Variants in FER observed in about 807,000 individuals in gnomAD.
FER encodes FER tyrosine kinase, also known as tyrosine-protein kinase Fer.
A neutral mutation model predicts 111.0 loss-of-function variants in FER; 63 were observed. The ratio of observed to expected loss-of-function variants is 0.57; its 90% CI spans 0.46 to 0.70. The LOEUF (loss-of-function observed/expected upper bound fraction) is 0.70. FER is among the 30% of genes least tolerant of loss of function. The probability of loss-of-function intolerance (pLI) is 0.00; values close to 1 mark genes in which losing one functional copy is unlikely to be tolerated. For synonymous variants in FER, 327 were observed against 313.9 expected (o/e 1.04, Z -0.44); for missense variants, 914 against 954.0 (o/e 0.96, Z 0.55).
intron 5 of FER, among the ~76,000 whole-genome samples, chr5:108,841,369 C>T: frequency 6.6e-6 from 1 of 152,086 alleles, no homozygotes; most frequent in East Asian, 1.9e-4. Context: ...TAGGTTTAGC[C>T]ATAAAACAGT....
At chr5:109,098,223 A>T (rs1487537418) in intron 16 of FER, among the ~76,000 whole-genome samples, 1 of 151,820 alleles carries the variant, frequency 6.6e-6, no homozygotes, top group Non-Finnish European at 1.5e-5. Flanking sequence ...TTTGTTTATT[A>T]ATATATTATG....
At chr5:109,187,128 G>C (rs1306860158) in intron 19 of FER, among the ~76,000 whole-genome samples, 2 of 152,072 alleles carry the variant, frequency 1.3e-5, no homozygotes, top group Non-Finnish European at 2.9e-5. Flanking sequence ...CTGTTCACAG[G>C]ATCTAATTCT....
intron 10 of FER, among the ~76,000 whole-genome samples, chr5:108,936,623 A>G (rs1755511949): frequency 6.6e-6 from 1 of 152,062 alleles, no homozygotes; most frequent in Non-Finnish European, 1.5e-5. Context: ...TAAGATTTCT[A>G]ACTTACATTC....
chr5:109,100,088 C>G (rs1253192901), intron 16 of FER, among the ~76,000 whole-genome samples: 1 of 151,582 alleles, frequency 6.6e-6, no homozygotes, highest in African/African-American at 2.4e-5. Context: ...TTTAGTGAAG[C>G]AAATTGGTAA....
chr5:109,162,104 T>A (rs1756055154), intron 17 of FER, among the ~76,000 whole-genome samples: 1 of 152,166 alleles, frequency 6.6e-6, no homozygotes, highest in Admixed American at 6.5e-5. Flanking sequence ...GTTGTTTGGT[T>A]TTTTCTTGTA....
At chr5:109,062,064 G>A (rs1388453331) in intron 16 of FER, among the ~76,000 whole-genome samples, 1 of 111,526 alleles carries the variant, frequency 9.0e-6, no homozygotes, top group Non-Finnish European at 2.1e-5. Context: ...TGAGTTGCTG[G>A]ATAAGTAAAA....
chr5:108,849,733 A>G (rs775792562), intron 5 of FER, among the ~76,000 whole-genome samples: 25 of 152,122 alleles, frequency 1.6e-4, no homozygotes, highest in Admixed American at 9.2e-4. Context: ...TTTTGATGAG[A>G]TGCCATACAT....
chr5:108,928,657 A>G (rs926219003), intron 10 of FER, among the ~76,000 whole-genome samples: 14 of 152,072 alleles, frequency 9.2e-5, no homozygotes, highest in Non-Finnish European at 2.1e-4. Context: ...TATTCTAGCT[A>G]TGAACGGTAT....
intron 19 of FER, 96 bp downstream of exon 19, chr5:109,186,418 T>C (rs1263978012): frequency 5.0e-5 from 78 of 1,562,538 alleles, no homozygotes; most frequent in Non-Finnish European, 6.1e-5. Flanking sequence ...TGTTAAATAC[T>C]GTTTGGTTGT....
chr5:109,110,999 A>G (rs2126402759), intron 17 of FER, among the ~76,000 whole-genome samples: 1 of 152,284 alleles, frequency 6.6e-6, no homozygotes, highest in East Asian at 1.9e-4. Flanking sequence ...AATGGAAGAA[A>G]AATGAAGACC....
chr5:108,884,512 G>GTTTTTTTTTTTTTTTTTTTTTT lies in FER; in HGVS notation c.1046+1004_1046+1005insTTTTTTTTTTTTTTTTTTTTTT, dbSNP rs776345488. Reference sequence around the variant, plus strand: ...GTCCTAAGTTCATTTCTTATGCCTGGTTTTTTTTTTGTTTGTTTGTTTGTT... The same window carrying GTTTTTTTTTTTTTTTTTTTTTT: ...GTCCTAAGTTCATTTCTTATGCCTGGTTTTTTTTTTTTTTTTTTTTTTTTTTTTTTTTGTTTGTTTGTTTGTT... On this transcript the variant is annotated intron_variant, in intron 9 of 19. Transcript: ENST00000281092. 2.8e-5 allele frequency among the ~76,000 whole-genome samples: 4 copies of GTTTTTTTTTTTTTTTTTTTTTT among 144,538 alleles called. 1 individual carries two copies. The highest frequency in any genetic ancestry group is 1.0e-4 in the African/African-American group (4 of 38,978). The allele number at this position is 144,538 out of a possible 152,430, so 94.8% of individuals were successfully genotyped here. A position where few individuals can be genotyped will look rare whatever the true frequency, so the allele number is the denominator to read the frequency against.
At chr5:109,082,603 C>G (rs546686387) in intron 16 of FER, among the ~76,000 whole-genome samples, 1 of 151,488 alleles carries the variant, frequency 6.6e-6, no homozygotes, top group Non-Finnish European at 1.5e-5. Context: ...ATATTAAACT[C>G]CTACTGAGAG....
At chr5:108,896,942 C>G (rs1440288020) in intron 9 of FER, among the ~76,000 whole-genome samples, 2 of 152,128 alleles carry the variant, frequency 1.3e-5, no homozygotes, top group Non-Finnish European at 2.9e-5. Flanking sequence ...GTATCTACCA[C>G]CACTACCTGT....
At chr5:108,875,676 C>T (rs1244509424) in intron 8 of FER, among the ~76,000 whole-genome samples, 1 of 152,084 alleles carries the variant, frequency 6.6e-6, no homozygotes, top group Non-Finnish European at 1.5e-5. Flanking sequence ...TGACCTATTG[C>T]AAACTTAAAT....
At chr5:108,877,302 A>G (rs1430602049) in intron 8 of FER, among the ~76,000 whole-genome samples, 1 of 152,216 alleles carries the variant, frequency 6.6e-6, no homozygotes, top group Non-Finnish European at 1.5e-5. Context: ...TGAGTTGGAA[A>G]GATTTGGAAA....
chr5:108,882,423 T>A (rs1333817616), intron 8 of FER, among the ~76,000 whole-genome samples: 1 of 152,094 alleles, frequency 6.6e-6, no homozygotes, highest in Non-Finnish European at 1.5e-5. Flanking sequence ...TCATTTAATT[T>A]TTTCATGGTG....
chr5:108,785,568 G>A (rs1210347685), intron 2 of FER: 15 of 489,660 alleles, frequency 3.1e-5, no homozygotes, highest in Non-Finnish European at 6.0e-5. Flanking sequence ...TTATGGCAGA[G>A]CTTTAGAAAT....
chr5:109,180,359 C>A (rs1264549125), intron 17 of FER, among the ~76,000 whole-genome samples: 2 of 152,176 alleles, frequency 1.3e-5, no homozygotes, highest in Non-Finnish European at 2.9e-5. Flanking sequence ...TCACACTAGC[C>A]ACATTGCAGG....
At chr5:109,101,459 C>T (rs1434091389) in intron 17 of FER, among the ~76,000 whole-genome samples, 1 of 151,914 alleles carries the variant, frequency 6.6e-6, no homozygotes, top group African/African-American at 2.4e-5. Flanking sequence ...ACAAAGTTAC[C>T]ATCACCTTAA....
Sources: gnomAD v4.1 joint callset for allele counts (sites outside exome capture counted in the v4.1 genomes callset) on GRCh38, gnomAD v4.1.1 for gene constraint, MANE v1.5 for transcripts, NCBI Gene and HGNC (gene_info 2026-07-23, HGNC 2026-07-21) for gene names.